The following NRBP2 variants were observed in gnomAD, a reference collection of about 807,000 sequenced individuals.
NRBP2 encodes nuclear receptor-binding protein 2.
Under a neutral mutation model 74.4 loss-of-function variants are expected in NRBP2, and 47 were observed. The ratio of observed to expected loss-of-function variants is 0.63; its 90% confidence interval spans 0.50 to 0.81. The LOEUF is 0.81. NRBP2 is among the 30% of genes least tolerant of loss of function. The probability of loss-of-function intolerance (pLI) is 0.00; values close to 1 mark genes in which losing one functional copy is unlikely to be tolerated. For synonymous variants in NRBP2, 312 were observed against 273.8 expected, an observed-to-expected ratio of 1.14 and a Z score of -1.38; for missense variants, 613 against 690.1, an observed-to-expected ratio of 0.89 and a Z score of 1.25.
rs2130562881 is a variant in NRBP2 at position 143,840,433 on chromosome 8, A to T, written c.130-204T>A. ...GGGCTGGGCTAAGGGGATTTGGAGC[A>T]GGTTTCAGGGGGTCGAGGGGGATCC... is the stretch of plus-strand genomic sequence containing the variant. On this transcript the variant is annotated intron_variant, in intron 1 of 17. Transcript: ENST00000442628. The surrounding 1 kb of genome is among the most constrained non-coding windows in gnomAD (Gnocchi z 5.7). The T allele has an allele frequency of 2.7e-6, 2 of 747,146 alleles. No individual in the cohort carries two copies. The highest frequency in any genetic ancestry group is 2.1e-6 in the Non-Finnish European group (1 of 473,456). The allele number at this position is 747,146 out of a possible 1,614,324, so 46.3% of individuals were successfully genotyped here.
At chr8:143,830,347 C>T (rs1426023519), downstream of NRBP2, among the ~76,000 whole-genome samples, 1 of 152,226 alleles carries the variant, frequency 6.6e-6, no homozygotes, top group African/African-American at 2.4e-5. Context: ...AGAAAGGAAA[C>T]CCCAGACCTC....
Position 143,840,109 on chromosome 8 carries a change from C to T in NRBP2, c.250G>A (p.Glu84Lys). Residue 84 changes from glutamate to lysine, a missense_variant and splice_region_variant, in exon 2 of 18, where the codon GAG becomes AAG. Glu to Lys is a moderately conservative substitution (Grantham distance 56). Around this residue, in one of 2 missense-constraint regions of NRBP2, gnomAD observed 332 missense variants for 429.2 expected, o/e 0.77. Transcript: ENST00000442628. This position sits in a 1 kb window ranked among gnomAD's most constrained non-coding sequence, Gnocchi z 5.7. ...TGAGGAGGGGGCAGCGGTCTCACCT[C>T]GTGCGCCGCGAAGGCCTTCCTGTCT... ...FGDRKAFAAHEEKIQTVFEQL... is the reference protein window; with the variant it reads ...FGDRKAFAAHKEKIQTVFEQL... 1 of 1,536,130 alleles carries T rather than the reference C, an allele frequency of 6.5e-7. No individual in the cohort carries two copies. Among genetic ancestry groups the T allele is most frequent in the Non-Finnish European group, 8.7e-7 (1 of 1,146,888 alleles).
In NRBP2 at chr8:143,837,841, C is replaced by T. The variant is rs1554652376; in HGVS notation, c.841-86G>A. On this transcript the variant is annotated intron_variant, in intron 10 of 17. Coordinates refer to ENST00000442628, the MANE Select transcript of NRBP2 (RefSeq NM_178564.4). The surrounding 1 kb of genome is among the most constrained non-coding windows in gnomAD (Gnocchi z 4.3). ...TCGAGGAGAGGTGGCCCCTGAGTTC[C>T]CCATGTCCCTCCTCAGGGACACACA... 1 of 1,494,412 alleles carries T rather than the reference C, an allele frequency of 6.7e-7. No individual in the cohort carries two copies. Among genetic ancestry groups the T allele is most frequent in the Middle Eastern group, 1.7e-4 (1 of 5,878 alleles). 92.6% of individuals were successfully genotyped at this position (1,494,412 alleles called of 1,614,324 possible).
In NRBP2 at chr8:143,840,331, T is replaced by C. The variant is rs900849811; in HGVS notation, c.130-102A>G. 1.5e-5 allele frequency: 22 copies of C among 1,434,730 alleles called. No individual in the cohort carries two copies. The highest frequency in any genetic ancestry group is 2.1e-5 in the Non-Finnish European group (22 of 1,071,838). The allele number at this position is 1,434,730 out of a possible 1,614,324, so 88.9% of individuals were successfully genotyped here. A position where few individuals can be genotyped will look rare whatever the true frequency, so the allele number is the denominator to read the frequency against. ...CTTTCCAGTGGGCCCAAGCGTGGGC[T>C]GCAGGCCCTGAGCCACTCTGCGGGA... On this transcript the variant is annotated intron_variant, in intron 1 of 17. Coordinates refer to ENST00000442628, the MANE Select transcript of NRBP2 (RefSeq NM_178564.4). The surrounding 1 kb of genome is among the most constrained non-coding windows in gnomAD (Gnocchi z 5.7).
chr8:143,839,338 T>C lies in NRBP2; in HGVS notation c.556A>G (p.Asn186Asp), dbSNP rs1312587123. 1.0e-5 allele frequency: 16 copies of C among 1,587,502 alleles called. No homozygotes were observed. The highest frequency in any genetic ancestry group is 1.3e-5 in the African/African-American group (1 of 74,586). Residue 186 changes from asparagine to aspartate, a missense_variant, in exon 6 of 18, where the codon AAC (asparagine) becomes GAC (aspartate). This residue lies in a region of NRBP2 where 332 missense variants were observed against 429.2 expected (regional missense o/e 0.77). Coordinates refer to ENST00000442628, the MANE Select transcript of NRBP2 (RefSeq NM_178564.4). The surrounding 1 kb of genome is among the most constrained non-coding windows in gnomAD (Gnocchi z 5.1). The stretch of plus-strand genomic sequence containing the variant: ...CCGGAGCCGATCTTGATGAGGCCGT[T>C]GTGCTGAATGAAGATGGTGTCGCTG... ...LTSDTIFIQHNGLIKIGSVWH... is the reference protein window; with the variant it reads ...LTSDTIFIQHDGLIKIGSVWH...
At position 143,837,771 on chromosome 8, in the gene NRBP2, G is replaced by A; in HGVS notation, c.841-16C>T. The A allele has an allele frequency of 2.6e-6, 4 of 1,556,470 alleles. No individual in the cohort carries two copies. Among genetic ancestry groups the A allele is most frequent in the African/African-American group, 1.4e-5 (1 of 73,898 alleles). The stretch of plus-strand genomic sequence containing the variant: ...GGATGAACTCCTGGGGCACAGGGAG[G>A]AGAGGCTGGTGGTGTGCAAGGGCTC... On this transcript the variant is annotated splice_polypyrimidine_tract_variant and intron_variant, in intron 10 of 17. Coordinates refer to ENST00000442628, the MANE Select transcript of NRBP2 (RefSeq NM_178564.4). The surrounding 1 kb of genome is among the most constrained non-coding windows in gnomAD (Gnocchi z 4.3).
chr8:143,836,164 C>T lies in NRBP2; in HGVS notation c.1280G>A (p.Cys427Tyr). The change falls in exon 15 of 18, where the codon TGC (cysteine) becomes TAC (tyrosine). Residue 427 changes from cysteine (C) to tyrosine (Y), a missense_variant. Cys to Tyr is a radical substitution (Grantham distance 194). Around this residue, in one of 2 missense-constraint regions of NRBP2, gnomAD observed 281 missense variants for 260.9 expected, o/e 1.08. Coordinates refer to ENST00000442628, the MANE Select transcript of NRBP2 (RefSeq NM_178564.4). ...SETRKVIQMQ[C>Y]NLERSEDKAR... ...CTTGTCCTCGCTTCTCTCCAGGTTGCACTGCATCTGGATGACCTGCAGCGG... is the reference window on the plus strand; with the variant it reads ...CTTGTCCTCGCTTCTCTCCAGGTTGTACTGCATCTGGATGACCTGCAGCGG... 6.3e-7 allele frequency: 1 copy of T among 1,583,622 alleles called. No individual in the cohort carries two copies. Among genetic ancestry groups the T allele is most frequent in the South Asian group, 1.1e-5 (1 of 86,966 alleles).
chr8:143,835,691 A>G lies in NRBP2; in HGVS notation c.1477T>C (p.Phe493Leu). 1.3e-6 allele frequency: 2 copies of G among 1,599,374 alleles called. No individual in the cohort carries two copies. Among genetic ancestry groups the G allele is most frequent in the Non-Finnish European group, 8.5e-7 (1 of 1,174,334 alleles). Residue 493 changes from phenylalanine (F) to leucine (L), a missense_variant, in exon 18 of 18, where the codon TTC becomes CTC. Physicochemically the swap from Phe to Leu is conservative, Grantham distance 22. Coordinates refer to ENST00000442628, the MANE Select transcript of NRBP2 (RefSeq NM_178564.4). This position sits in a 1 kb window ranked among gnomAD's most constrained non-coding sequence, Gnocchi z 4.9. ...MKLAAFLEST[F>L]LKYRGTQA ...GCCTGGGTCCCACGGTACTTGAGGA[A>G]GGTGCTCTCCAGGAAGGCGGCCAGC...
At chr8:143,838,843 G>A (rs1483109481) in intron 9 of NRBP2, 40 bp downstream of exon 9, 2 of 1,612,550 alleles carry the variant, frequency 1.2e-6, no homozygotes, top group Non-Finnish European at 1.7e-6. Context: ...GGCACAGTTA[G>A]GAGGAGGGCA....
rs1368469147 is a variant in NRBP2, at chr8:143,834,428, C to CA, written c.*1233dup. 6.6e-6 allele frequency: 1 copy of CA among 152,238 alleles called. No individual in the cohort carries two copies. The highest frequency in any genetic ancestry group is 1.5e-5 in the Non-Finnish European group (1 of 68,042). The allele number at this position is 152,238 out of a possible 1,614,324, so 9.4% of individuals were successfully genotyped here. A position where few individuals can be genotyped will look rare whatever the true frequency, so the allele number is the denominator to read the frequency against. ...GCCAGCAGCCTGAAGGAGCAGGAGA[C>CA]AGAGTCTCCCCTAGAACCTCCAGGA... On this transcript the variant is annotated 3_prime_UTR_variant, in exon 18 of 18. Coordinates refer to ENST00000442628, the MANE Select transcript of NRBP2 (RefSeq NM_178564.4).
Position 143,836,108 on chromosome 8 carries a change from C to T in NRBP2, c.1317+19G>A, listed in dbSNP as rs1554651683. ...CCCGCCTTCCCCACGGCAGCGCCGC[C>T]CTCCCAGGCCCCGCTCACATGCCAG... is the stretch of plus-strand genomic sequence containing the variant. On this transcript the variant is annotated intron_variant, in intron 15 of 17. Transcript: ENST00000442628. 6.3e-7 allele frequency: 1 copy of T among 1,599,656 alleles called. No homozygotes were observed. Among genetic ancestry groups the T allele is most frequent in the South Asian group, 1.1e-5 (1 of 89,710 alleles).
Position 143,835,805 on chromosome 8 carries a change from CA to C in NRBP2, c.1437+14del. 2 of 1,600,650 alleles carry C rather than the reference CA, an allele frequency of 1.2e-6. No individual in the cohort carries two copies. Among genetic ancestry groups the C allele is most frequent in the Non-Finnish European group, 1.7e-6 (2 of 1,174,412 alleles). ...GCGCCCCCTCCGCCAGGCCGCGCCG[CA>C]CCGCCCAGCGCACCTCGTGGAGGAA... On this transcript the variant is annotated intron_variant, in intron 17 of 17. Coordinates refer to ENST00000442628, the MANE Select transcript of NRBP2 (RefSeq NM_178564.4). The surrounding 1 kb of genome is among the most constrained non-coding windows in gnomAD (Gnocchi z 4.9).
In NRBP2 at chr8:143,835,919, C is replaced by G; in HGVS notation, c.1382-44G>C. On this transcript the variant is annotated intron_variant, in intron 16 of 17. Transcript: ENST00000442628. This position sits in a 1 kb window ranked among gnomAD's most constrained non-coding sequence, Gnocchi z 4.9. ...GCGAGGCATGAGGCCGCTGCCCACC[C>G]GCCGCCTGGGGTCACCGCCCGCCGC... 1.3e-6 allele frequency: 2 copies of G among 1,593,106 alleles called. No individual in the cohort carries two copies. Among genetic ancestry groups the G allele is most frequent in the Non-Finnish European group, 1.7e-6 (2 of 1,174,318 alleles).
At position 143,840,680 on chromosome 8, in the gene NRBP2, C is replaced by A; in HGVS notation, c.129+26G>T. The A allele has an allele frequency of 6.8e-7, 1 of 1,464,634 alleles. No individual in the cohort carries two copies. Among genetic ancestry groups the A allele is most frequent in the Non-Finnish European group, 9.0e-7 (1 of 1,108,740 alleles). The allele number at this position is 1,464,634 out of a possible 1,614,324, so 90.7% of individuals were successfully genotyped here. A position where few individuals can be genotyped will look rare whatever the true frequency, so the allele number is the denominator to read the frequency against. On this transcript the variant is annotated intron_variant, in intron 1 of 17. Coordinates refer to ENST00000442628, the MANE Select transcript of NRBP2 (RefSeq NM_178564.4). This position sits in a 1 kb window ranked among gnomAD's most constrained non-coding sequence, Gnocchi z 5.7. ...CTCCCGCTCTGGGAGGGCGGTGTCA[C>A]CCCGTGCCCCAACCCCCGCGCCCAC... is the stretch of plus-strand genomic sequence containing the variant.
downstream of NRBP2, among the ~76,000 whole-genome samples, chr8:143,831,981 A>G (rs1554650361): frequency 1.3e-5 from 2 of 152,244 alleles, no homozygotes; most frequent in East Asian, 1.9e-4. Context: ...TGAGGTTAGC[A>G]TAAAGACTGT....
At position 143,840,208 on chromosome 8, in the gene NRBP2, C is replaced by T. The variant is rs1377617611; in HGVS notation, c.151G>A (p.Gly51Arg). Reference protein sequence around the residue: ...REQVNQGNMPGLQSTFLAMDT... With the variant: ...REQVNQGNMPRLQSTFLAMDT... ...ATGGCTAGGAAGGTGCTCTGAAGCCCTGGCATGTTCCCTTGGTTTACCTGG... is the reference window on the plus strand; with the variant it reads ...ATGGCTAGGAAGGTGCTCTGAAGCCTTGGCATGTTCCCTTGGTTTACCTGG... The change falls in exon 2 of 18, where the codon GGG becomes AGG. Residue 51 changes from glycine (G) to arginine (R), a missense_variant. Around this residue, in one of 2 missense-constraint regions of NRBP2, gnomAD observed 332 missense variants for 429.2 expected, o/e 0.77. Transcript: ENST00000442628. The surrounding 1 kb of genome is among the most constrained non-coding windows in gnomAD (Gnocchi z 5.7). The T allele has an allele frequency of 6.5e-7, 1 of 1,535,996 alleles. No homozygotes were observed. The highest frequency in any genetic ancestry group is 8.7e-7 in the Non-Finnish European group (1 of 1,146,878).
chr8:143,837,027 G>A lies in NRBP2; in HGVS notation c.1263+12C>T, dbSNP rs781886629. On this transcript the variant is annotated intron_variant, in intron 14 of 17. Coordinates refer to ENST00000442628, the MANE Select transcript of NRBP2 (RefSeq NM_178564.4). This position sits in a 1 kb window ranked among gnomAD's most constrained non-coding sequence, Gnocchi z 4.3. ...TGAGGGATGGCACTGAGCAGCAGGA[G>A]AGGGGACTCACCTTTCTGGTCTCAG... 6.2e-7 allele frequency: 1 copy of A among 1,606,716 alleles called. No homozygotes were observed.
At chr8:143,838,389 G>A (rs1439583862) in intron 10 of NRBP2, among the ~76,000 whole-genome samples, 2 of 152,222 alleles carry the variant, frequency 1.3e-5, no homozygotes, top group Non-Finnish European at 2.9e-5. Flanking sequence ...TTGGGCAAAG[G>A]ACTCATCTCC....
Position 143,840,894 on chromosome 8 carries a change from G to T in NRBP2, c.-60C>A. On this transcript the variant is annotated 5_prime_UTR_variant, in exon 1 of 18. Transcript: ENST00000442628. This position sits in a 1 kb window ranked among gnomAD's most constrained non-coding sequence, Gnocchi z 5.7. ...ATCCGCCGCCGGCGCAGCCTCTCCC[G>T]GCCCGCCCTGGCCTCGCGCCCAGCA... 1 of 1,237,316 alleles carries T rather than the reference G, an allele frequency of 8.1e-7. No individual in the cohort carries two copies. The allele number at this position is 1,237,316 out of a possible 1,614,324, so 76.6% of individuals were successfully genotyped here.
Sources: gnomAD v4.1 joint callset for allele counts (sites outside exome capture counted in the v4.1 genomes callset) on GRCh38, gnomAD v4.1.1 for gene constraint, gnomAD v4.1.1 regional missense constraint, Gnocchi (gnomAD v3.1) non-coding constraint, MANE v1.5 for transcripts, NCBI Gene and HGNC (gene_info 2026-07-23, HGNC 2026-07-21) for gene names.